The following IL7 variants were observed in gnomAD, a reference collection of about 807,000 sequenced individuals.
IL7 encodes the protein interleukin-7.
A neutral mutation model predicts 21.6 loss-of-function variants in IL7; 3 were observed. That is an observed-to-expected ratio of 0.14 (90% confidence interval 0.06 to 0.36). The LOEUF (loss-of-function observed/expected upper bound fraction) is 0.36, where lower values mean the gene tolerates loss of function less well. IL7 is among the 10% of genes least tolerant of loss of function. The pLI, the probability that IL7 is intolerant of heterozygous loss-of-function variation, is 1.00. For synonymous variants in IL7, 62 were observed against 68.1 expected (o/e 0.91, Z 0.44); for missense variants, 175 against 200.2 (o/e 0.87, Z 0.76).
At chr8:78,766,208 G>A (rs1430295156) in intron 2 of IL7, among the ~76,000 whole-genome samples, 1 of 152,184 alleles carries the variant, frequency 6.6e-6, no homozygotes, top group Non-Finnish European at 1.5e-5. Flanking sequence ...CACAAAGAAT[G>A]AACAGTGAAG....
intron 2 of IL7, among the ~76,000 whole-genome samples, chr8:78,776,960 A>G (rs754401982): frequency 2.6e-5 from 4 of 152,114 alleles, no homozygotes; most frequent in African/African-American, 9.7e-5. Flanking sequence ...TGGTGAATAG[A>G]AACTTTTCAT....
intron 2 of IL7, among the ~76,000 whole-genome samples, chr8:78,783,849 C>A: frequency 6.6e-6 from 1 of 152,046 alleles, no homozygotes; most frequent in East Asian, 1.9e-4. Flanking sequence ...ATATGTAAAG[C>A]AAAGCAGCCA....
chr8:78,694,600 A>T (rs1048610212), intron 3 of IL7, among the ~76,000 whole-genome samples: 5 of 152,120 alleles, frequency 3.3e-5, no homozygotes, highest in South Asian at 4.1e-4. Context: ...CTCTCATTTG[A>T]CATTCAGTGC....
intron 2 of IL7, among the ~76,000 whole-genome samples, chr8:78,755,762 C>T (rs1036663157): frequency 6.6e-6 from 1 of 151,934 alleles, no homozygotes; most frequent in African/African-American, 2.4e-5. Context: ...TATGTATAAT[C>T]ATGTCATCTG....
intron 2 of IL7, among the ~76,000 whole-genome samples, chr8:78,785,283 C>A (rs376419742): frequency 6.6e-6 from 1 of 152,074 alleles, no homozygotes; most frequent in African/African-American, 2.4e-5. Flanking sequence ...TTCTTCCATT[C>A]GATGAATTTT....
At chr8:78,772,185 C>A (rs1030769165) in intron 2 of IL7, among the ~76,000 whole-genome samples, 2 of 152,096 alleles carry the variant, frequency 1.3e-5, no homozygotes, top group Non-Finnish European at 2.9e-5. Context: ...TTACAAAGCC[C>A]ATGCTTTTTC....
At chr8:78,697,517 C>T in intron 3 of IL7, 1 of 1,596,174 alleles carries the variant, frequency 6.3e-7, no homozygotes. Context: ...GTAATGATAG[C>T]CGAAAAGCAA....
At chr8:78,690,559 C>CAAA (rs36016408) in intron 3 of IL7, among the ~76,000 whole-genome samples, 3 of 92,500 alleles carry the variant, frequency 3.2e-5, no homozygotes, top group Admixed American at 1.2e-4. Context: ...GAGACTGTCT[C>CAAA]AAAAAAAAAA....
At position 78,801,172 on chromosome 8, in the gene IL7, A is replaced by G. The variant is rs575474865; in HGVS notation, c.11-2964T>C. Among the ~76,000 whole-genome samples, 4 of 152,308 alleles carry G rather than the reference A, an allele frequency of 2.6e-5. No homozygotes were observed. In the South Asian group the frequency reaches 8.3e-4, roughly 32 times the overall value. Reference sequence around the variant, plus strand: ...TTGAATAATTAGCCCCAGACAGACTATGGCAATATAAAGCACAGAGGTTTT... The same window carrying G: ...TTGAATAATTAGCCCCAGACAGACTGTGGCAATATAAAGCACAGAGGTTTT... On this transcript the variant is annotated intron_variant, in intron 1 of 5. Transcript: ENST00000263851.
intron 3 of IL7, among the ~76,000 whole-genome samples, chr8:78,691,455 C>T (rs1810208406): frequency 6.6e-6 from 1 of 151,970 alleles, no homozygotes; most frequent in South Asian, 2.1e-4. Context: ...CTTCTTTTCT[C>T]TCTATTCCTT....
At chr8:78,722,405 TTTA>T (rs150012865) in intron 3 of IL7, among the ~76,000 whole-genome samples, 23,861 of 151,916 alleles carry the variant, frequency 0.16, 2,021 homozygotes, top group Middle Eastern at 0.3. Context: ...TTTTAAAATT[TTTA>T]TTTTTTGCTT....
intron 2 of IL7, among the ~76,000 whole-genome samples, chr8:78,757,749 C>T (rs1812398801): frequency 2.0e-5 from 3 of 151,940 alleles, no homozygotes; most frequent in Non-Finnish European, 1.5e-5. Context: ...ATATGGTTTC[C>T]GTCACTTCAC....
At chr8:78,751,915 G>A (rs933285461) in intron 2 of IL7, among the ~76,000 whole-genome samples, 20 of 151,876 alleles carry the variant, frequency 1.3e-4, no homozygotes, top group African/African-American at 3.1e-4. Context: ...TCTCCCTATC[G>A]TCCCCTCCCT....
chr8:78,762,407 T>C (rs1812598361), intron 2 of IL7: 1 of 1,610,266 alleles, frequency 6.2e-7, no homozygotes, highest in Non-Finnish European at 8.5e-7. Context: ...CGCGTGCAGT[T>C]GGCGGCAGCG....
intron 1 of IL7, 93 bp downstream of exon 1, chr8:78,804,820 G>C (rs1814253224): frequency 6.9e-7 from 1 of 1,458,850 alleles, no homozygotes; most frequent in African/African-American, 1.4e-5. Context: ...GGCTATTCCC[G>C]GACTTGCCTA....
At position 78,710,362 on chromosome 8, in the gene IL7, C is replaced by T. The variant is rs534748320; in HGVS notation, n.214+10986G>A. Among the ~76,000 whole-genome samples the T allele has an allele frequency of 2.6e-5, 4 of 152,066 alleles. No homozygotes were observed. The South Asian group carries it at 8.3e-4, about 32-fold the overall frequency. Reference sequence around the variant, plus strand: ...GTATGGTTAAAATCATTACTGGAACCTGTCCTTCAATTAGGTTTTCAAAAT... The same window carrying T: ...GTATGGTTAAAATCATTACTGGAACTTGTCCTTCAATTAGGTTTTCAAAAT... On this transcript the variant is annotated intron_variant and non_coding_transcript_variant, in intron 3 of 4. Coordinates refer to the IL7 transcript ENST00000523959.
At chr8:78,773,791 T>C (rs147142360) in intron 2 of IL7, among the ~76,000 whole-genome samples, 2,433 of 152,182 alleles carry the variant, frequency 0.016, 59 homozygotes, top group Admixed American at 0.065. Flanking sequence ...GCTTATCCAC[T>C]TTGACTGGAG....
chr8:78,769,835 A>C (rs543637506), intron 2 of IL7, among the ~76,000 whole-genome samples: 4 of 152,300 alleles, frequency 2.6e-5, no homozygotes, highest in Admixed American at 1.3e-4. Context: ...ACCAAAACAG[A>C]GATATAGACC....
chr8:78,773,080 G>T (rs549232967), intron 2 of IL7, among the ~76,000 whole-genome samples: 10 of 152,174 alleles, frequency 6.6e-5, no homozygotes, highest in Admixed American at 3.9e-4. Context: ...CTAGTTCAGG[G>T]TCACTTTCCA....
Sources: gnomAD v4.1 joint callset for allele counts (sites outside exome capture counted in the v4.1 genomes callset) on GRCh38, gnomAD v4.1.1 for gene constraint, MANE v1.5 for transcripts, NCBI Gene and HGNC (gene_info 2026-07-23, HGNC 2026-07-21) for gene names.